Variants in ZBTB20 observed in about 807,000 individuals in gnomAD.
ZBTB20 encodes the protein zinc finger and BTB domain-containing protein 20.
In ZBTB20, 9 loss-of-function variants were observed where a neutral mutation model predicts 56.9. The ratio of observed to expected loss-of-function variants is 0.16; its 90% CI spans 0.10 to 0.28. ZBTB20 has a LOEUF of 0.28. ZBTB20 is among the 10% of genes least tolerant of loss of function. The pLI is 1.00. For missense variants in ZBTB20, 655 were observed against 1,003.0 expected, an observed-to-expected ratio of 0.65 and a Z score of 4.69; for synonymous variants, 417 against 420.7, an observed-to-expected ratio of 0.99 and a Z score of 0.11.
Position 114,351,848 on chromosome 3 carries a change from C to A in ZBTB20, c.230G>T (p.Arg77Leu). Residue 77 changes from arginine (R) to leucine (L), a missense_variant, in exon 11 of 12, where the codon CGC (arginine) becomes CTC (leucine). Transcript: ENST00000675478. ...CDISCKGMTE[R>L]IHSINLHNFS... is the part of the protein sequence containing the mutation. ...GTTGTGAAGGTTGATGCTGTGAATG[C>A]GCTCGGTCATCCCCTTGCAACTGAT... 5 of 1,599,020 alleles carry A rather than the reference C, an allele frequency of 3.1e-6. No homozygotes were observed. Among genetic ancestry groups the A allele is most frequent in the Non-Finnish European group, 4.3e-6 (5 of 1,168,248 alleles).
Position 114,384,875 on chromosome 3 carries a change from C to T in ZBTB20, c.-153-3935G>A, listed in dbSNP as rs28418830. ...AATGCATGGAAATTAACCAGATCGGCGGCATTTGATGTATATATTTCACAC... is the reference window on the plus strand; with the variant it reads ...AATGCATGGAAATTAACCAGATCGGTGGCATTTGATGTATATATTTCACAC... On this transcript the variant is annotated intron_variant, in intron 8 of 11. Transcript: ENST00000675478. Among the ~76,000 whole-genome samples, 426 of 152,234 alleles carry T rather than the reference C, an allele frequency of 2.8e-3. 3 individuals are homozygous for T. The highest frequency in any genetic ancestry group is 9.6e-3 in the African/African-American group (400 of 41,542).
intron 1 of ZBTB20, among the ~76,000 whole-genome samples, chr3:115,108,115 A>G (rs2083776192): frequency 1.3e-5 from 2 of 152,038 alleles, no homozygotes; most frequent in South Asian, 2.1e-4. Flanking sequence ...TAACAAATGT[A>G]GAGGTTCTGT....
intron 2 of ZBTB20, among the ~76,000 whole-genome samples, chr3:115,032,571 A>G (rs1457605656): frequency 6.6e-6 from 1 of 151,460 alleles, no homozygotes; most frequent in Non-Finnish European, 1.5e-5. Flanking sequence ...CCACCCAACA[A>G]AAACAGAATA....
At chr3:115,139,784 CAG>C (rs1444748806) in intron 1 of ZBTB20, among the ~76,000 whole-genome samples, 4 of 152,016 alleles carry the variant, frequency 2.6e-5, no homozygotes, top group Non-Finnish European at 4.4e-5. Context: ...GCATGAAATG[CAG>C]AGTCAAGTTT....
chr3:114,787,436 T>A (rs1213199981), intron 5 of ZBTB20, among the ~76,000 whole-genome samples: 1 of 149,836 alleles, frequency 6.7e-6, no homozygotes, highest in African/African-American at 2.5e-5. Flanking sequence ...TATACACGTA[T>A]ATACACATAT....
At chr3:114,675,077 T>G (rs2061554542) in intron 6 of ZBTB20, among the ~76,000 whole-genome samples, 1 of 148,208 alleles carries the variant, frequency 6.7e-6, no homozygotes, top group South Asian at 2.1e-4. Flanking sequence ...ATATATTATA[T>G]ATATTATATA....
chr3:114,389,821 G>A (rs1049853651), intron 7 of ZBTB20, among the ~76,000 whole-genome samples: 13 of 149,448 alleles, frequency 8.7e-5, no homozygotes, highest in Non-Finnish European at 1.6e-4. Flanking sequence ...CCCGGGAGGC[G>A]GAGGTTGCAG....
At position 114,547,464 on chromosome 3, in the gene ZBTB20, G is replaced by A. The variant is rs146078122; in HGVS notation, c.-294-47073C>T. Among the ~76,000 whole-genome samples the A allele has an allele frequency of 2.0e-3, 306 of 152,296 alleles. 2 individuals carry two copies. Among genetic ancestry groups the A allele is most frequent in the Middle Eastern group, 3.4e-3 (1 of 294 alleles). On this transcript the variant is annotated intron_variant, in intron 6 of 11. Coordinates refer to ENST00000675478, the MANE Select transcript of ZBTB20 (RefSeq NM_001348800.3). ...GCAGAATTTAGTGACTGACTGAATG[G>A]TAATGAAGGGCAAAAGAAGAAAAGA... is the stretch of plus-strand genomic sequence containing the variant.
chr3:114,859,334 T>C (rs898052774), intron 4 of ZBTB20, among the ~76,000 whole-genome samples: 2 of 150,912 alleles, frequency 1.3e-5, no homozygotes, highest in African/African-American at 4.9e-5. Flanking sequence ...CTTCCTTTCT[T>C]CTTTCCTTTT....
chr3:114,684,273 T>C (rs988027420), intron 6 of ZBTB20, among the ~76,000 whole-genome samples: 2 of 152,204 alleles, frequency 1.3e-5, no homozygotes, highest in African/African-American at 4.8e-5. Context: ...TGAACGACTT[T>C]AGGGAGCTTT....
chr3:114,703,273 C>G (rs1400350284), intron 5 of ZBTB20, among the ~76,000 whole-genome samples: 1 of 152,118 alleles, frequency 6.6e-6, no homozygotes, highest in Non-Finnish European at 1.5e-5. Context: ...ATTCTGGTCC[C>G]TCTTCTCTCA....
chr3:114,454,334 AC>A (rs2091867554), intron 7 of ZBTB20, among the ~76,000 whole-genome samples: 1 of 151,492 alleles, frequency 6.6e-6, no homozygotes, highest in Non-Finnish European at 1.5e-5. Flanking sequence ...AACTTGGGTA[AC>A]CCCCCAGGGG....
At chr3:114,599,227 C>T (rs925613756) in intron 6 of ZBTB20, 1 of 152,022 alleles carries the variant, frequency 6.6e-6, no homozygotes, top group Non-Finnish European at 1.5e-5. Context: ...GCCTCATGCT[C>T]CACAATTATT....
At chr3:114,614,907 G>C (rs2107714679) in intron 6 of ZBTB20, among the ~76,000 whole-genome samples, 1 of 152,216 alleles carries the variant, frequency 6.6e-6, no homozygotes, top group Admixed American at 6.5e-5. Context: ...ATAGGTGTGT[G>C]CCACCACATC....
chr3:115,113,373 A>G (rs1436053522), intron 1 of ZBTB20, among the ~76,000 whole-genome samples: 1 of 152,250 alleles, frequency 6.6e-6, no homozygotes, highest in African/African-American at 2.4e-5. Context: ...TTTCTATGGT[A>G]GAAGTTAAAA....
chr3:114,446,155 C>G (rs1023946026), intron 7 of ZBTB20, among the ~76,000 whole-genome samples: 1 of 152,064 alleles, frequency 6.6e-6, no homozygotes, highest in Admixed American at 6.6e-5. Context: ...AGCCTGGCAT[C>G]TCATCATTAC....
At chr3:114,855,860 T>C (rs1024055779) in intron 4 of ZBTB20, among the ~76,000 whole-genome samples, 3 of 152,126 alleles carry the variant, frequency 2.0e-5, no homozygotes, top group African/African-American at 7.2e-5. Flanking sequence ...CTAAAATAAC[T>C]AATGTTTAGT....
intron 7 of ZBTB20, among the ~76,000 whole-genome samples, chr3:114,489,319 C>T (rs1288086021): frequency 1.3e-5 from 2 of 152,106 alleles, no homozygotes; most frequent in South Asian, 2.1e-4. Context: ...CCTCAAGTTT[C>T]CCCCAAGTTT....
At chr3:114,618,715 AG>A (rs2058106812) in intron 6 of ZBTB20, among the ~76,000 whole-genome samples, 2 of 152,240 alleles carry the variant, frequency 1.3e-5, no homozygotes, top group Admixed American at 6.5e-5. Flanking sequence ...CAAATGAAAT[AG>A]ATGAGTCCCA....
Sources: allele counts gnomAD v4.1 joint callset (sites outside exome capture counted in the v4.1 genomes callset), GRCh38; gene constraint gnomAD v4.1.1; transcripts MANE v1.5; gene names NCBI Gene and HGNC (gene_info 2026-07-23, HGNC 2026-07-21).